The following GMCL1 variants were observed in gnomAD, a reference collection of about 807,000 sequenced individuals.
GMCL1 encodes the protein germ cell-less 1, spermatogenesis associated.
In GMCL1, 54 loss-of-function variants were observed where a neutral mutation model predicts 75.5. The ratio of observed to expected loss-of-function variants is 0.71; its 90% CI spans 0.57 to 0.90. The LOEUF (loss-of-function observed/expected upper bound fraction) is 0.90. GMCL1 is among the 40% of genes least tolerant of loss of function. GMCL1 has a pLI of 0.00. For missense variants in GMCL1, 537 were observed against 622.7 expected (o/e 0.86, Z 1.47); for synonymous variants, 210 against 209.6 (o/e 1.00, Z -0.02).
chr2:69,868,693 G>A (rs528070590), intron 11 of GMCL1, among the ~76,000 whole-genome samples: 6 of 150,104 alleles, frequency 4.0e-5, no homozygotes, highest in Admixed American at 4.0e-4. Context: ...GATTACAGGC[G>A]TGAGCCACCA....
chr2:69,848,466 G>C (rs1573352727), intron 7 of GMCL1, among the ~76,000 whole-genome samples: 1 of 152,228 alleles, frequency 6.6e-6, no homozygotes, highest in East Asian at 1.9e-4. Flanking sequence ...CAGCAATTTG[G>C]GAGGCCCAGG....
chr2:69,878,362 A>G (rs1676183680), intron 13 of GMCL1, among the ~76,000 whole-genome samples: 2 of 152,174 alleles, frequency 1.3e-5, no homozygotes, highest in South Asian at 4.1e-4. Flanking sequence ...AGCCAGGCAC[A>G]GTGGCACCTG....
intron 8 of GMCL1, among the ~76,000 whole-genome samples, chr2:69,852,207 G>A (rs1407218320): frequency 6.6e-6 from 1 of 152,170 alleles, no homozygotes; most frequent in African/African-American, 2.4e-5. Flanking sequence ...TTGTGCTCCA[G>A]ATAGATCCAC....
chr2:69,879,273 C>T lies in GMCL1; in HGVS notation c.*269C>T. 2 of 223,376 alleles carry T rather than the reference C, an allele frequency of 9.0e-6. No individual in the cohort carries two copies. The highest frequency in any genetic ancestry group is 1.7e-5 in the Non-Finnish European group (2 of 114,570). 13.8% of individuals were successfully genotyped at this position (223,376 alleles called of 1,614,324 possible). On this transcript the variant is annotated 3_prime_UTR_variant, in exon 14 of 14. Coordinates refer to ENST00000282570, the MANE Select transcript of GMCL1 (RefSeq NM_178439.5). Reference sequence around the variant, plus strand: ...CATTTCTGTTAGAACGATGTCAATTCATGCTTTTAATTTAGCATCAATAGA... The same window carrying T: ...CATTTCTGTTAGAACGATGTCAATTTATGCTTTTAATTTAGCATCAATAGA...
Position 69,830,039 on chromosome 2 carries a change from C to G in GMCL1, c.147C>G (p.Ser49Arg). 6.4e-7 allele frequency: 1 copy of G among 1,565,012 alleles called. No individual in the cohort carries two copies. The highest frequency in any genetic ancestry group is 8.7e-7 in the Non-Finnish European group (1 of 1,154,410). The change falls in exon 1 of 14, where the codon AGC becomes AGG. Residue 49 changes from serine (S) to arginine (R), a missense_variant. Physicochemically the swap from Ser to Arg is moderately radical, Grantham distance 110. Around this residue, in one of 3 missense-constraint regions of GMCL1, gnomAD observed 144 missense variants for 127.2 expected, o/e 1.13. Coordinates refer to ENST00000282570, the MANE Select transcript of GMCL1 (RefSeq NM_178439.5). ...AGHGFCYCAG[S>R]HKRKRSSGSF... ...ACGGATTCTGTTACTGTGCGGGCAG[C>G]CACAAGCGCAAGCGGAGCAGCGGGT...
chr2:69,849,985 C>T (rs1323611825), intron 8 of GMCL1, among the ~76,000 whole-genome samples: 1 of 152,140 alleles, frequency 6.6e-6, no homozygotes, highest in Admixed American at 6.5e-5. Context: ...ATTGTTACTC[C>T]TTGAACTGTC....
chr2:69,859,320 TAA>T (rs1427889146), intron 9 of GMCL1, among the ~76,000 whole-genome samples: 1 of 150,510 alleles, frequency 6.6e-6, no homozygotes, highest in Non-Finnish European at 1.5e-5. Context: ...GGATCAGCTT[TAA>T]ATATATATAT....
rs1388655405 is a variant in GMCL1 at position 69,881,018 on chromosome 2, AATT to A, written c.*2016_*2018del. 6.6e-6 allele frequency: 1 copy of A among 152,182 alleles called. No individual in the cohort carries two copies. Among genetic ancestry groups the A allele is most frequent in the African/African-American group, 2.4e-5 (1 of 41,438 alleles). The allele number at this position is 152,182 out of a possible 1,614,324, so 9.4% of individuals were successfully genotyped here. A position where few individuals can be genotyped will look rare whatever the true frequency, so the allele number is the denominator to read the frequency against. On this transcript the variant is annotated 3_prime_UTR_variant, in exon 14 of 14. Coordinates refer to ENST00000282570, the MANE Select transcript of GMCL1 (RefSeq NM_178439.5). The stretch of plus-strand genomic sequence containing the variant: ...AATTCCAAACTTAAATTATTTGGAT[AATT>A]AAGTTTTTGCAGATCTTGGAAGTAA...
At chr2:69,856,658 T>G (rs1055718460) in intron 9 of GMCL1, among the ~76,000 whole-genome samples, 7 of 147,220 alleles carry the variant, frequency 4.8e-5, no homozygotes, top group African/African-American at 1.7e-4. Flanking sequence ...TTTTTTTTTT[T>G]TTTTTTTTTT....
intron 10 of GMCL1, among the ~76,000 whole-genome samples, chr2:69,864,590 CTTTTTT>C (rs534389389): frequency 1.5e-4 from 13 of 88,364 alleles, no homozygotes; most frequent in South Asian, 4.3e-4. Context: ...TAGACTTTTA[CTTTTTT>C]TTTTTTTTTT....
Position 69,856,770 on chromosome 2 carries a change from C to T in GMCL1, c.1072+1810C>T, listed in dbSNP as rs370267317. Among the ~76,000 whole-genome samples, 20 of 151,080 alleles carry T rather than the reference C, an allele frequency of 1.3e-4. No homozygotes were observed. In the East Asian group the frequency reaches 3.2e-3, roughly 24 times the overall value. ...CCACCGTCCTAGCCCCCTCAGTGTG[C>T]ACTTTCCAAACCATTATTGCATGCC... On this transcript the variant is annotated intron_variant, in intron 9 of 13. Coordinates refer to ENST00000282570, the MANE Select transcript of GMCL1 (RefSeq NM_178439.5).
chr2:69,869,043 G>A (rs1449055739), intron 11 of GMCL1, among the ~76,000 whole-genome samples: 24 of 151,260 alleles, frequency 1.6e-4, no homozygotes, highest in Admixed American at 1.6e-3. Context: ...ACCTGAGGTC[G>A]GGAGTTCGAG....
At position 69,861,285 on chromosome 2, in the gene GMCL1, C is replaced by T. The variant is rs571177119; in HGVS notation, c.1080C>T (p.Leu360=). 2 of 1,601,910 alleles carry T rather than the reference C, an allele frequency of 1.2e-6. No homozygotes were observed. The highest frequency in any genetic ancestry group is 1.7e-6 in the Non-Finnish European group (2 of 1,171,164). The change falls in exon 10 of 14, where the codon CTC becomes CTT. Residue 360 remains leucine (L), a synonymous_variant. Transcript: ENST00000282570. The part of the protein sequence containing the change: ...EQDAVVPSEW[L]SSVYKQQWFA... ...TTTATTCTTACATTTCAGAATGGCT[C>T]TCTTCTGTGTATAAACAGCAGTGGT...
chr2:69,878,194 A>C (rs1447694069), intron 13 of GMCL1, among the ~76,000 whole-genome samples: 3 of 152,144 alleles, frequency 2.0e-5, no homozygotes, highest in African/African-American at 7.2e-5. Flanking sequence ...TTTCCATGAT[A>C]ATGTATTTTA....
At chr2:69,858,816 T>C (rs1273384066) in intron 9 of GMCL1, among the ~76,000 whole-genome samples, 1 of 152,220 alleles carries the variant, frequency 6.6e-6, no homozygotes, top group African/African-American at 2.4e-5. Flanking sequence ...CTTTTGGTTT[T>C]AAAGGAGGTT....
chr2:69,880,995 T>C lies in GMCL1; in HGVS notation c.*1991T>C, dbSNP rs183564873. 1 of 152,362 alleles carries C rather than the reference T, an allele frequency of 6.6e-6. No individual in the cohort carries two copies. The highest frequency in any genetic ancestry group is 6.5e-5 in the Admixed American group (1 of 15,294). 9.4% of individuals were successfully genotyped at this position (152,362 alleles called of 1,614,324 possible). ...CTTTATGTATTGAAAAATATATAAA[T>C]TCCAAACTTAAATTATTTGGATAAT... On this transcript the variant is annotated 3_prime_UTR_variant, in exon 14 of 14. Coordinates refer to ENST00000282570, the MANE Select transcript of GMCL1 (RefSeq NM_178439.5).
At chr2:69,837,962 AAAT>A (rs1179692343) in intron 2 of GMCL1, among the ~76,000 whole-genome samples, 7 of 152,164 alleles carry the variant, frequency 4.6e-5, no homozygotes, top group African/African-American at 7.2e-5. Context: ...GTTGGGGAAA[AAAT>A]ATTTAACATT....
intron 11 of GMCL1, among the ~76,000 whole-genome samples, chr2:69,866,249 G>GAAAA (rs57495632): frequency 7.5e-6 from 1 of 133,244 alleles, no homozygotes; most frequent in Non-Finnish European, 1.7e-5. Context: ...TCCATCTCAA[G>GAAAA]AAAAAAAAAA....
rs1252258691 is a variant in GMCL1 at position 69,879,262 on chromosome 2, C to A, written c.*258C>A. Reference sequence around the variant, plus strand: ...ATCTGTCAAACCATTTCTGTTAGAACGATGTCAATTCATGCTTTTAATTTA... The same window carrying A: ...ATCTGTCAAACCATTTCTGTTAGAAAGATGTCAATTCATGCTTTTAATTTA... On this transcript the variant is annotated 3_prime_UTR_variant, in exon 14 of 14. Transcript: ENST00000282570. The A allele has an allele frequency of 8.1e-6, 2 of 245,754 alleles. No homozygotes were observed. Among genetic ancestry groups the A allele is most frequent in the Non-Finnish European group, 1.6e-5 (2 of 128,856 alleles). 15.2% of individuals were successfully genotyped at this position (245,754 alleles called of 1,614,324 possible). A position where few individuals can be genotyped will look rare whatever the true frequency, so the allele number is the denominator to read the frequency against.
Sources: gnomAD v4.1 joint callset for allele counts (sites outside exome capture counted in the v4.1 genomes callset) on GRCh38, gnomAD v4.1.1 for gene constraint, gnomAD v4.1.1 regional missense constraint, MANE v1.5 for transcripts, NCBI Gene and HGNC (gene_info 2026-07-23, HGNC 2026-07-21) for gene names.